AUTS2: variants seen among roughly 807,000 people sequenced by gnomAD.
AUTS2 encodes the protein activator of transcription and developmental regulator AUTS2, also known as autism susceptibility gene 2 protein.
In AUTS2, 17 loss-of-function variants were observed where a neutral mutation model predicts 112.4. The observed-to-expected ratio is 0.15, with a 90% CI of 0.10 to 0.23. The LOEUF is 0.23. AUTS2 is among the 10% of genes least tolerant of loss of function. AUTS2 has a pLI of 1.00. For missense variants in AUTS2, 1,510 were observed against 1,701.6 expected (o/e 0.89, Z 1.98); for synonymous variants, 751 against 702.7 (o/e 1.07, Z -1.09).
chr7:69,731,336 G>A (rs969590132), intron 1 of AUTS2, among the ~76,000 whole-genome samples: 1 of 152,154 alleles, frequency 6.6e-6, no homozygotes, highest in African/African-American at 2.4e-5. Flanking sequence ...GGCTTTGACA[G>A]AGAGACTTGT....
intron 1 of AUTS2, among the ~76,000 whole-genome samples, chr7:69,728,144 C>G (rs1396988536): frequency 6.6e-6 from 1 of 152,058 alleles, no homozygotes; most frequent in Non-Finnish European, 1.5e-5. Context: ...TTTATGGAAC[C>G]AGGAGAGCTG....
At chr7:70,518,410 C>A (rs3113270) in intron 5 of AUTS2, among the ~76,000 whole-genome samples, 2 of 151,916 alleles carry the variant, frequency 1.3e-5, no homozygotes, top group African/African-American at 4.8e-5. Flanking sequence ...GGGCTGGGTG[C>A]GGTGGCTCAT....
intron 5 of AUTS2, among the ~76,000 whole-genome samples, chr7:70,545,353 C>G (rs1353372299): frequency 6.6e-6 from 1 of 152,228 alleles, no homozygotes; most frequent in Non-Finnish European, 1.5e-5. Flanking sequence ...AGGGTTCCAT[C>G]TCTTCGGAGA....
At chr7:69,628,357 T>G (rs1794062946) in intron 1 of AUTS2, among the ~76,000 whole-genome samples, 1 of 152,224 alleles carries the variant, frequency 6.6e-6, no homozygotes, top group Non-Finnish European at 1.5e-5. Context: ...GGTAAATAGA[T>G]TTTAAAAATG....
At chr7:70,775,447 A>G in intron 13 of AUTS2, 61 bp downstream of exon 13, 3 of 1,291,462 alleles carry the variant, frequency 2.3e-6, no homozygotes, top group Non-Finnish European at 3.3e-6. Context: ...TGGGTTAAAA[A>G]TACAAGTCTA....
rs961738259 is a variant in AUTS2 at position 69,848,288 on chromosome 7, A to G, written c.310-50998A>G. 3.3e-5 allele frequency among the ~76,000 whole-genome samples: 5 copies of G among 152,200 alleles called. No homozygotes were observed. In the South Asian group the frequency reaches 8.3e-4, roughly 25 times the overall value. On this transcript the variant is annotated intron_variant, in intron 1 of 18. Coordinates refer to ENST00000342771, the MANE Select transcript of AUTS2 (RefSeq NM_015570.4). Reference sequence around the variant, plus strand: ...ACCCCATTAAGAGGTTGTAAATAGTACTATAATGATATCTCAGTCATTTGT... The same window carrying G: ...ACCCCATTAAGAGGTTGTAAATAGTGCTATAATGATATCTCAGTCATTTGT...
intron 2 of AUTS2, among the ~76,000 whole-genome samples, chr7:70,064,280 T>G (rs1802389277): frequency 6.6e-6 from 1 of 152,210 alleles, no homozygotes; most frequent in African/African-American, 2.4e-5. Context: ...GTCTGTGTAC[T>G]GTGACCCGAC....
intron 4 of AUTS2, among the ~76,000 whole-genome samples, chr7:70,278,212 GAAT>G (rs1788032206): frequency 6.6e-6 from 1 of 152,134 alleles, no homozygotes; most frequent in African/African-American, 2.4e-5. Flanking sequence ...AGCAAGCACA[GAAT>G]AATAACCTTT....
intron 1 of AUTS2, among the ~76,000 whole-genome samples, chr7:69,733,082 C>T (rs1263176420): frequency 6.6e-6 from 1 of 152,128 alleles, no homozygotes; most frequent in African/African-American, 2.4e-5. Context: ...TAGTCCGTTC[C>T]ATTAAGTCTT....
intron 2 of AUTS2, among the ~76,000 whole-genome samples, chr7:70,101,433 G>A (rs532646345): frequency 1.5e-3 from 226 of 151,652 alleles, no homozygotes; most frequent in Non-Finnish European, 2.6e-3. Context: ...AGTGGTTCAT[G>A]CCTGTAATCC....
At chr7:69,985,418 G>T (rs1319074017) in intron 2 of AUTS2, among the ~76,000 whole-genome samples, 1 of 152,040 alleles carries the variant, frequency 6.6e-6, no homozygotes, top group African/African-American at 2.4e-5. Flanking sequence ...GATACATTGT[G>T]GTGATATAGT....
chr7:69,798,556 T>A (rs890538627), intron 1 of AUTS2, among the ~76,000 whole-genome samples: 2 of 152,236 alleles, frequency 1.3e-5, no homozygotes, highest in African/African-American at 2.4e-5. Context: ...GCATTGTCCA[T>A]ATGTTTACAT....
intron 4 of AUTS2, among the ~76,000 whole-genome samples, chr7:70,301,249 A>G (rs1166709221): frequency 6.6e-6 from 1 of 152,176 alleles, no homozygotes; most frequent in Non-Finnish European, 1.5e-5. Flanking sequence ...ATAATTTTCC[A>G]ATGAAAGTTC....
intron 5 of AUTS2, among the ~76,000 whole-genome samples, chr7:70,648,667 C>G (rs1376683787): frequency 2.0e-5 from 3 of 152,084 alleles, no homozygotes; most frequent in Non-Finnish European, 4.4e-5. Flanking sequence ...CTGCGACCTC[C>G]GCCTCCCCCT....
chr7:70,496,863 A>ACC (rs1798556279), intron 5 of AUTS2, among the ~76,000 whole-genome samples: 2 of 117,604 alleles, frequency 1.7e-5, no homozygotes, highest in Non-Finnish European at 3.4e-5. Context: ...ACACACACAC[A>ACC]CCCCACACAC....
At chr7:70,009,581 G>C (rs997892529) in intron 2 of AUTS2, among the ~76,000 whole-genome samples, 2 of 152,134 alleles carry the variant, frequency 1.3e-5, no homozygotes, top group African/African-American at 4.8e-5. Context: ...TTTCCTCGTG[G>C]TTTTATGCAC....
chr7:70,789,739 C>CT lies in AUTS2; in HGVS notation c.2532-8dup. 6.2e-7 allele frequency: 1 copy of CT among 1,606,092 alleles called. No individual in the cohort carries two copies. Among genetic ancestry groups the CT allele is most frequent in the South Asian group, 1.1e-5 (1 of 90,270 alleles). ...CATCTGCGTCCTTGTCTTCCCCTCT[C>CT]TCCCCCAGGGAAAGCGTCGAGAAGA... is the stretch of plus-strand genomic sequence containing the variant. On this transcript the variant is annotated splice_polypyrimidine_tract_variant and intron_variant, in intron 18 of 18. Coordinates refer to ENST00000342771, the MANE Select transcript of AUTS2 (RefSeq NM_015570.4).
At chr7:69,722,085 A>G (rs1231804183) in intron 1 of AUTS2, among the ~76,000 whole-genome samples, 2 of 152,042 alleles carry the variant, frequency 1.3e-5, no homozygotes, top group Non-Finnish European at 2.9e-5. Flanking sequence ...GATAGAGAGC[A>G]AAGCAGGATG....
At chr7:69,841,877 T>C (rs1299549827) in intron 1 of AUTS2, among the ~76,000 whole-genome samples, 1 of 152,196 alleles carries the variant, frequency 6.6e-6, no homozygotes, top group Admixed American at 6.5e-5. Flanking sequence ...TAGGAAAATA[T>C]CTTTATTCTT....
Sources: allele counts gnomAD v4.1 joint callset (sites outside exome capture counted in the v4.1 genomes callset), GRCh38; gene constraint gnomAD v4.1.1; transcripts MANE v1.5; gene names NCBI Gene and HGNC (gene_info 2026-07-23, HGNC 2026-07-21).